Variants in IRGM observed in about 807,000 individuals in gnomAD.
The protein encoded by IRGM is immunity related GTPase M.
For missense variants in IRGM, 288 were observed against 219.9 expected (o/e 1.31, Z -1.96); for synonymous variants, 98 against 80.6 (o/e 1.22, Z -1.16).
chr5:150,863,199 C>A lies in IRGM; in HGVS notation c.158+14545C>A, dbSNP rs181888032. 2.6e-5 allele frequency among the ~76,000 whole-genome samples: 4 copies of A among 151,944 alleles called. No individual in the cohort carries two copies. In the East Asian group the frequency reaches 5.8e-4, roughly 22 times the overall value. The stretch of plus-strand genomic sequence containing the variant: ...GAAAGAGAGACATCTGTGAAACTGG[C>A]GCAGAACAGAGCACAGGAATATAAT... On this transcript the variant is annotated intron_variant and NMD_transcript_variant, in intron 1 of 3. Transcript: ENST00000520549.
At chr5:150,891,394 T>C (rs1754608286) in intron 3 of IRGM, among the ~76,000 whole-genome samples, 1 of 152,096 alleles carries the variant, frequency 6.6e-6, no homozygotes, top group African/African-American at 2.4e-5. Context: ...TCTCTTCCCC[T>C]AATTGGTGTC....
chr5:150,853,323 A>G (rs1015115618), downstream of IRGM, among the ~76,000 whole-genome samples: 1 of 152,140 alleles, frequency 6.6e-6, no homozygotes, highest in African/African-American at 2.4e-5. Context: ...AAAATTTATT[A>G]ACACTTGTTT....
At chr5:150,878,171 CTTT>C (rs35792893) in intron 2 of IRGM, 28 of 349,054 alleles carry the variant, frequency 8.0e-5, no homozygotes, top group African/African-American at 4.3e-4. Flanking sequence ...AAATAGTAAA[CTTT>C]TTTTTTTGTT....
chr5:150,853,191 T>C (rs1331899352), downstream of IRGM, among the ~76,000 whole-genome samples: 1 of 152,178 alleles, frequency 6.6e-6, no homozygotes, highest in African/African-American at 2.4e-5. Flanking sequence ...ATTTAACCCA[T>C]TGGTTGTTTA....
chr5:150,856,927 A>T (rs1318469354), intron 1 of IRGM, among the ~76,000 whole-genome samples: 2 of 137,030 alleles, frequency 1.5e-5, no homozygotes, highest in African/African-American at 3.1e-5. Flanking sequence ...ATTATTTATT[A>T]TTTATTATTT....
chr5:150,883,085 T>G (rs1296340978), intron 3 of IRGM, among the ~76,000 whole-genome samples: 1 of 152,096 alleles, frequency 6.6e-6, no homozygotes, highest in African/African-American at 2.4e-5. Flanking sequence ...TCTACATATT[T>G]CATGGAAATT....
chr5:150,849,634 T>G (rs370508648), downstream of IRGM, among the ~76,000 whole-genome samples: 805 of 143,914 alleles, frequency 5.6e-3, 9 homozygotes, highest in African/African-American at 0.021. Context: ...TTGAGATGGG[T>G]TCTTGCTCTG....
At chr5:150,874,697 T>C (rs1485561444) in intron 1 of IRGM, among the ~76,000 whole-genome samples, 1 of 152,202 alleles carries the variant, frequency 6.6e-6, no homozygotes, top group Admixed American at 6.5e-5. Flanking sequence ...TTGGGCCATA[T>C]GACCCAGCAG....
At chr5:150,854,166 A>G (rs1410375913) in intron 1 of IRGM, among the ~76,000 whole-genome samples, 4 of 152,048 alleles carry the variant, frequency 2.6e-5, no homozygotes, top group Admixed American at 2.0e-4. Context: ...ATTAATACCA[A>G]CTTGACTTCA....
chr5:150,862,982 A>G (rs1303775114), intron 1 of IRGM, among the ~76,000 whole-genome samples: 1 of 152,248 alleles, frequency 6.6e-6, no homozygotes, highest in Non-Finnish European at 1.5e-5. Context: ...CAGGGGCAGA[A>G]GAAGAAAGAA....
chr5:150,884,312 A>G (rs1376704457), intron 3 of IRGM, among the ~76,000 whole-genome samples: 4 of 151,942 alleles, frequency 2.6e-5, no homozygotes, highest in Non-Finnish European at 5.9e-5. Flanking sequence ...TCTTTATCCA[A>G]TCTGTCATTG....
intron 1 of IRGM, among the ~76,000 whole-genome samples, chr5:150,877,631 AGAT>A (rs1754383607): frequency 6.6e-6 from 1 of 152,112 alleles, no homozygotes. Context: ...CCCCTTTTAA[AGAT>A]GAAGAAATCA....
intron 3 of IRGM, among the ~76,000 whole-genome samples, chr5:150,893,345 G>C (rs1408946004): frequency 6.6e-6 from 1 of 152,138 alleles, no homozygotes; most frequent in Non-Finnish European, 1.5e-5. Context: ...TGTTTTATAA[G>C]AAGTCTAATA....
At chr5:150,861,131 G>T (rs542567474) in intron 1 of IRGM, among the ~76,000 whole-genome samples, 42 of 152,256 alleles carry the variant, frequency 2.8e-4, no homozygotes, top group African/African-American at 1.0e-3. Flanking sequence ...AGGCTCCAGT[G>T]GTTTGAAATA....
At position 150,898,468 on chromosome 5, in the gene IRGM, C is replaced by T. The variant is rs572813532; in HGVS notation, c.*141-2121C>T. 72 of 1,613,386 alleles carry T rather than the reference C, an allele frequency of 4.5e-5. No individual in the cohort carries two copies. The South Asian group carries it at 6.5e-4, about 15-fold the overall frequency. ...GGCTGTAGTTCTCCAGCATCACATC[C>T]CTGTACAGGGTCCTCTGAGAAGGGT... On this transcript the variant is annotated intron_variant and NMD_transcript_variant, in intron 3 of 3. Transcript: ENST00000520549.
chr5:150,891,030 AT>A (rs535480521), intron 3 of IRGM, among the ~76,000 whole-genome samples: 65 of 152,166 alleles, frequency 4.3e-4, no homozygotes, highest in African/African-American at 1.5e-3. Flanking sequence ...GTGAGAATGT[AT>A]TGAAATTTCT....
chr5:150,885,875 C>A (rs551206458), intron 3 of IRGM, among the ~76,000 whole-genome samples: 1 of 152,218 alleles, frequency 6.6e-6, no homozygotes, highest in South Asian at 2.1e-4. Flanking sequence ...GATCGTTTTA[C>A]TTCTTCCCTT....
intron 1 of IRGM, among the ~76,000 whole-genome samples, chr5:150,865,941 G>A (rs951741712): frequency 1.4e-4 from 21 of 152,224 alleles, no homozygotes; most frequent in African/African-American, 4.3e-4. Flanking sequence ...ATTTTTGGTA[G>A]AGATGGGGTT....
At chr5:150,850,492 C>A (rs1340251975), downstream of IRGM, among the ~76,000 whole-genome samples, 1 of 152,142 alleles carries the variant, frequency 6.6e-6, no homozygotes, top group African/African-American at 2.4e-5. Context: ...TACAATAGTT[C>A]TGCAAGGATA....
Sources: allele counts gnomAD v4.1 joint callset (sites outside exome capture counted in the v4.1 genomes callset), GRCh38; gene constraint gnomAD v4.1.1; transcripts MANE v1.5; gene names NCBI Gene and HGNC (gene_info 2026-07-23, HGNC 2026-07-21).